NFIB: variants seen among roughly 807,000 people sequenced by gnomAD.
NFIB encodes the protein nuclear factor 1 B-type.
In NFIB, 11 loss-of-function variants were observed where a neutral mutation model predicts 61.5. The ratio of observed to expected loss-of-function variants is 0.18; its 90% CI spans 0.11 to 0.30. The LOEUF (loss-of-function observed/expected upper bound fraction) is 0.30, where lower values mean the gene tolerates loss of function less well. Among genes scored for constraint, NFIB ranks in the 10% least tolerant of loss-of-function variants. The probability of loss-of-function intolerance (pLI) is 1.00; values close to 1 mark genes in which losing one functional copy is unlikely to be tolerated. For synonymous variants in NFIB, 260 were observed against 216.5 expected (o/e 1.20, Z -1.76); for missense variants, 471 against 608.9 (o/e 0.77, Z 2.38).
At chr9:14,457,639 A>G in the NFIB span, among the ~76,000 whole-genome samples, 5 of 152,090 alleles carry the variant, frequency 3.3e-5, no homozygotes, top group African/African-American at 1.2e-4. Flanking sequence ...TAAAGAAGAA[A>G]AGAGAGAAGA....
chr9:14,307,606 C>G lies in NFIB; in HGVS notation c.31-86G>C. On this transcript the variant is annotated intron_variant, in intron 1 of 10. Coordinates refer to ENST00000380953, the MANE Select transcript of NFIB (RefSeq NM_001190737.2). The surrounding 1 kb of genome is among the most constrained non-coding windows in gnomAD (Gnocchi z 5.3). ...AAAAATAAGAAAAGAAGACCACAAC[C>G]CGTTTCCAATTCAGTACAAAAAGTT... The G allele has an allele frequency of 7.6e-7, 1 of 1,308,820 alleles. No individual in the cohort carries two copies. The highest frequency in any genetic ancestry group is 1.0e-6 in the Non-Finnish European group (1 of 978,280). The allele number at this position is 1,308,820 out of a possible 1,614,324, so 81.1% of individuals were successfully genotyped here. A position where few individuals can be genotyped will look rare whatever the true frequency, so the allele number is the denominator to read the frequency against.
chr9:14,109,636 A>G (rs2037056341), intron 10 of NFIB, among the ~76,000 whole-genome samples: 1 of 152,124 alleles, frequency 6.6e-6, no homozygotes, highest in African/African-American at 2.4e-5. Flanking sequence ...AATCCCAAAG[A>G]CAGACTAGTT....
the NFIB span, among the ~76,000 whole-genome samples, chr9:14,514,162 A>C: frequency 1.3e-5 from 2 of 152,214 alleles, no homozygotes. Context: ...TTGACATTGT[A>C]TTACACATTT....
chr9:14,316,735 A>T (rs907409339), upstream of NFIB, among the ~76,000 whole-genome samples: 1 of 152,110 alleles, frequency 6.6e-6, no homozygotes, highest in African/African-American at 2.4e-5. Context: ...TGTATTGCAC[A>T]TTACACTGCA....
intron 3 of NFIB, among the ~76,000 whole-genome samples, chr9:14,163,908 T>C (rs28379954): frequency 0.034 from 5,225 of 151,596 alleles, 142 homozygotes; most frequent in Non-Finnish European, 0.051. Flanking sequence ...GACTGAATTA[T>C]CTCAACTACC....
chr9:14,481,197 G>GTATATATATATATATA, the NFIB span, among the ~76,000 whole-genome samples: 1,194 of 45,476 alleles, frequency 0.026, 132 homozygotes, highest in Non-Finnish European at 0.031. Context: ...GTGTGTGTGT[G>GTATATATATATATATA]TATATATATA....
intron 2 of NFIB, among the ~76,000 whole-genome samples, chr9:14,195,635 G>T (rs1374437656): frequency 6.6e-6 from 1 of 152,178 alleles, no homozygotes; most frequent in African/African-American, 2.4e-5. Flanking sequence ...ATCTGAATTT[G>T]GAAGTTTGGC....
intron 2 of NFIB, among the ~76,000 whole-genome samples, chr9:14,242,519 T>TTAATTTCC (rs2054469594): frequency 6.6e-6 from 1 of 152,198 alleles, no homozygotes; most frequent in African/African-American, 2.4e-5. Context: ...ACTTTAGAAT[T>TTAATTTCC]TAATAAAAAT....
intron 2 of NFIB, among the ~76,000 whole-genome samples, chr9:14,234,914 CA>C (rs1009741539): frequency 5.8e-4 from 84 of 145,954 alleles, no homozygotes; most frequent in African/African-American, 1.8e-3. Context: ...AACCAGGGGA[CA>C]AAAAAAAATA....
chr9:14,129,558 C>T (rs1011358247), intron 6 of NFIB, among the ~76,000 whole-genome samples: 2 of 152,014 alleles, frequency 1.3e-5, no homozygotes, highest in African/African-American at 2.4e-5. Flanking sequence ...TGAATGTCTA[C>T]AGTCTAAAAG....
At chr9:14,204,011 C>G (rs10961421) in intron 2 of NFIB, among the ~76,000 whole-genome samples, 20,900 of 152,168 alleles carry the variant, frequency 0.14, 1,711 homozygotes, top group East Asian at 0.39. Context: ...AAAGCCAACA[C>G]TTTCCCATTT....
chr9:14,481,197 G>GTGTATATGTATATATATATATATATA, the NFIB span, among the ~76,000 whole-genome samples: 1 of 45,844 alleles, frequency 2.2e-5, no homozygotes, highest in African/African-American at 9.4e-5. Flanking sequence ...GTGTGTGTGT[G>GTGTATATGTATATATATATATATATA]TATATATATA....
chr9:14,389,753 C>G (rs981920802), intron 1 of NFIB, among the ~76,000 whole-genome samples: 9 of 152,180 alleles, frequency 5.9e-5, no homozygotes, highest in African/African-American at 2.2e-4. Flanking sequence ...ATTTCCACCC[C>G]CAAAGACTCT....
At chr9:14,191,279 G>C (rs996189424) in intron 2 of NFIB, among the ~76,000 whole-genome samples, 3 of 152,074 alleles carry the variant, frequency 2.0e-5, no homozygotes, top group African/African-American at 7.2e-5. Flanking sequence ...AGTGAGCTGA[G>C]ATTACATCAC....
the NFIB span, among the ~76,000 whole-genome samples, chr9:14,507,143 G>A: frequency 2.0e-5 from 3 of 152,156 alleles, no homozygotes; most frequent in African/African-American, 7.2e-5. Context: ...ATCCAACTGT[G>A]TCCTGTTACA....
chr9:14,488,692 G>A, the NFIB span, among the ~76,000 whole-genome samples: 1 of 152,088 alleles, frequency 6.6e-6, no homozygotes, highest in African/African-American at 2.4e-5. Context: ...AACCTTCCTT[G>A]AGTAATGATT....
At chr9:14,293,298 G>A (rs924325196) in intron 2 of NFIB, among the ~76,000 whole-genome samples, 1 of 152,128 alleles carries the variant, frequency 6.6e-6, no homozygotes, top group Non-Finnish European at 1.5e-5. Context: ...GCACATGGTC[G>A]AAAATGGCTG....
At chr9:14,144,293 T>C (rs115606712) in intron 6 of NFIB, among the ~76,000 whole-genome samples, 232 of 152,302 alleles carry the variant, frequency 1.5e-3, no homozygotes, top group African/African-American at 5.3e-3. Flanking sequence ...AAAGAACACC[T>C]ACACTTCTGA....
chr9:14,089,374 A>AAAG, intron 10 of NFIB, among the ~76,000 whole-genome samples: 1 of 152,132 alleles, frequency 6.6e-6, no homozygotes, highest in East Asian at 1.9e-4. Context: ...TAAAAAAAAA[A>AAAG]AAAAAAGACT....
Sources: allele counts gnomAD v4.1 joint callset (sites outside exome capture counted in the v4.1 genomes callset), GRCh38; gene constraint gnomAD v4.1.1; non-coding constraint Gnocchi (gnomAD v3.1); transcripts MANE v1.5; gene names NCBI Gene and HGNC (gene_info 2026-07-23, HGNC 2026-07-21).